The following B3GNT9 variants were observed in gnomAD, a reference collection of about 807,000 sequenced individuals.
B3GNT9 encodes BGnT-9.
For synonymous variants in B3GNT9, 359 were observed against 283.9 expected, an observed-to-expected ratio of 1.26 and a Z score of -2.66; for missense variants, 669 against 599.2, an observed-to-expected ratio of 1.12 and a Z score of -1.22.
In B3GNT9 at chr16:67,149,422, G is replaced by A; in HGVS notation, c.1064C>T (p.Pro355Leu). The change falls in exon 2 of 2, where the codon CCC becomes CTC. Residue 355 changes from proline (P) to leucine (L), a missense_variant. Coordinates refer to ENST00000449549, the MANE Select transcript of B3GNT9 (RefSeq NM_033309.3). ...SAAPHLSTFDPCFYRELVVVH... is the reference protein window; with the variant it reads ...SAAPHLSTFDLCFYRELVVVH... Reference sequence around the variant, plus strand: ...TACAACCAGCTCACGGTAAAAGCAGGGGTCGAAGGTGCTCAAATGCGGCGC... The same window carrying A: ...TACAACCAGCTCACGGTAAAAGCAGAGGTCGAAGGTGCTCAAATGCGGCGC... 1 of 1,604,852 alleles carries A rather than the reference G, an allele frequency of 6.2e-7. No individual in the cohort carries two copies. Among genetic ancestry groups the A allele is most frequent in the Non-Finnish European group, 8.5e-7 (1 of 1,175,692 alleles).
chr16:67,150,464 G>T lies in B3GNT9; in HGVS notation c.22C>A (p.Arg8Ser), dbSNP rs775502891. The T allele has an allele frequency of 7.5e-7, 1 of 1,330,314 alleles. No individual in the cohort carries two copies. The highest frequency in any genetic ancestry group is 4.0e-5 in the Admixed American group (1 of 25,294). 82.4% of individuals were successfully genotyped at this position (1,330,314 alleles called of 1,614,324 possible). A position where few individuals can be genotyped will look rare whatever the true frequency, so the allele number is the denominator to read the frequency against. Residue 8 changes from arginine to serine, a missense_variant, in exon 2 of 2, where the codon CGC becomes AGC. By Grantham distance (110) the Arg-to-Ser change is moderately radical. Transcript: ENST00000449549. ...AGCAGCGTGAGCAATGCGTCCCTGC[G>T]TAGGCGCAGCCTCCTCCTCATCTCC... MRRRLRL[R>S]RDALLTLLLG...
Position 67,150,501 on chromosome 16 carries a change from G to A in B3GNT9, c.-16C>T, listed in dbSNP as rs2030439288. ...TCCTCCTCATCTCCGCGCGGCCTGC[G>A]CCCTCCCTCCCCTGTAAGGGTCGCA... On this transcript the variant is annotated 5_prime_UTR_variant, in exon 2 of 2. Coordinates refer to ENST00000449549, the MANE Select transcript of B3GNT9 (RefSeq NM_033309.3). 1.5e-6 allele frequency: 2 copies of A among 1,293,504 alleles called. No homozygotes were observed. Among genetic ancestry groups the A allele is most frequent in the Non-Finnish European group, 9.8e-7 (1 of 1,022,370 alleles). The allele number at this position is 1,293,504 out of a possible 1,614,324, so 80.1% of individuals were successfully genotyped here. A position where few individuals can be genotyped will look rare whatever the true frequency, so the allele number is the denominator to read the frequency against.
intron 1 of B3GNT9, 76 bp from the exon 2 acceptor site, chr16:67,150,747 G>A (rs937357417): frequency 8.5e-6 from 3 of 352,244 alleles, no homozygotes; most frequent in South Asian, 1.5e-4. Context: ...GCGACCCAGG[G>A]CCGGGCAGGG....
At position 67,150,345 on chromosome 16, in the gene B3GNT9, C is replaced by T. The variant is rs756396579; in HGVS notation, c.141G>A (p.Pro47=). The stretch of plus-strand genomic sequence containing the variant: ...ACGCGCGGGGTCCGGGGGTGGGCCT[C>T]GGTGCCGCCCTCCCTCGCCCTCGCG... ...SAPRGRGRAA[P]RPTPGPRAFQ... Residue 47 remains proline (P), a synonymous_variant, in exon 2 of 2, where the codon CCG becomes CCA. Coordinates refer to ENST00000449549, the MANE Select transcript of B3GNT9 (RefSeq NM_033309.3). 1 of 1,365,876 alleles carries T rather than the reference C, an allele frequency of 7.3e-7. No homozygotes were observed. Among genetic ancestry groups the T allele is most frequent in the Non-Finnish European group, 9.4e-7 (1 of 1,059,638 alleles). 84.6% of individuals were successfully genotyped at this position (1,365,876 alleles called of 1,614,324 possible). A position where few individuals can be genotyped will look rare whatever the true frequency, so the allele number is the denominator to read the frequency against.
chr16:67,150,810 A>C, intron 1 of B3GNT9, 55 bp downstream of exon 1: 1 of 253,732 alleles, frequency 3.9e-6, no homozygotes, highest in Non-Finnish European at 7.5e-6. Flanking sequence ...CTGAGGCCGA[A>C]TCCCTTCCAC....
rs1435278954 is a variant in B3GNT9 at position 67,150,900 on chromosome 16, C to T, written c.-222G>A. On this transcript the variant is annotated 5_prime_UTR_variant, in exon 1 of 2. Transcript: ENST00000449549. ...CGGAAGTGGCGCAGCCCCGGACGCC[C>T]TGGCCTCCGGGGCTCAGCGCAGGGT... The T allele has an allele frequency of 1.3e-5, 2 of 158,566 alleles. No individual in the cohort carries two copies. Among genetic ancestry groups the T allele is most frequent in the Non-Finnish European group, 2.8e-5 (2 of 72,604 alleles). 9.8% of individuals were successfully genotyped at this position (158,566 alleles called of 1,614,324 possible). A position where few individuals can be genotyped will look rare whatever the true frequency, so the allele number is the denominator to read the frequency against.
rs558599921 is a variant in B3GNT9, at chr16:67,149,712, A to G, written c.774T>C (p.Ile258=). 20 of 1,613,370 alleles carry G rather than the reference A, an allele frequency of 1.2e-5. No individual in the cohort carries two copies. The highest frequency in any genetic ancestry group is 1.5e-5 in the Non-Finnish European group (18 of 1,179,768). ...GCGTGCGGATGGGCCGCGCATGCAC[A>G]ATTACGTCACCAGCAAGCAGGTCTT... ...PAQDLLAGDV[I]VHARPIRTRA... is the part of the protein sequence containing the mutation. Residue 258 remains isoleucine (I), a synonymous_variant, in exon 2 of 2, where the codon ATT becomes ATC. Coordinates refer to ENST00000449549, the MANE Select transcript of B3GNT9 (RefSeq NM_033309.3).
At chr16:67,150,773 G>A in intron 1 of B3GNT9, 92 bp downstream of exon 1, 1 of 314,320 alleles carries the variant, frequency 3.2e-6, no homozygotes, top group Non-Finnish European at 5.8e-6. Flanking sequence ...GGGAGCCTCG[G>A]CCCCTCCCCC....
At position 67,149,136 on chromosome 16, in the gene B3GNT9, G is replaced by A; in HGVS notation, c.*141C>T. On this transcript the variant is annotated 3_prime_UTR_variant, in exon 2 of 2. Coordinates refer to ENST00000449549, the MANE Select transcript of B3GNT9 (RefSeq NM_033309.3). ...TGGTTCCAGCAGGGTGGACCGCCAG[G>A]AGCCAAGCTTAACCCCCATCCCCTG... The A allele has an allele frequency of 1.4e-6, 2 of 1,413,770 alleles. No individual in the cohort carries two copies. The highest frequency in any genetic ancestry group is 1.8e-6 in the Non-Finnish European group (2 of 1,082,598). 87.6% of individuals were successfully genotyped at this position (1,413,770 alleles called of 1,614,324 possible).
chr16:67,150,351 C>T lies in B3GNT9; in HGVS notation c.135G>A (p.Ala45=), dbSNP rs367770902. ...GGGGTCCGGGGGTGGGCCTCGGTGC[C>T]GCCCTCCCTCGCCCTCGCGGCGCGC... is the stretch of plus-strand genomic sequence containing the variant. ...TASAPRGRGR[A]APRPTPGPRA... is the part of the protein sequence containing the mutation. The change falls in exon 2 of 2, where the codon GCG becomes GCA. Residue 45 remains alanine, a synonymous_variant. Coordinates refer to ENST00000449549, the MANE Select transcript of B3GNT9 (RefSeq NM_033309.3). 2 of 1,351,030 alleles carry T rather than the reference C, an allele frequency of 1.5e-6. No individual in the cohort carries two copies. The highest frequency in any genetic ancestry group is 3.1e-5 in the African/African-American group (2 of 65,348). 83.7% of individuals were successfully genotyped at this position (1,351,030 alleles called of 1,614,324 possible).
rs1327473080 is a variant in B3GNT9, at chr16:67,150,188, T to C, written c.298A>G (p.Ile100Val). The C allele has an allele frequency of 7.7e-6, 12 of 1,559,866 alleles. No individual in the cohort carries two copies. Among genetic ancestry groups the C allele is most frequent in the African/African-American group, 1.4e-5 (1 of 70,340 alleles). Residue 100 changes from isoleucine to valine, a missense_variant, in exon 2 of 2, where the codon ATT (isoleucine) becomes GTT (valine). By Grantham distance (29) the Ile-to-Val change is conservative. Coordinates refer to ENST00000449549, the MANE Select transcript of B3GNT9 (RefSeq NM_033309.3). ...CCGCGGCACTTGTGCGGCTGGTTAA[T>C]GAGCAGTGGAAACCGCCGCTGGTCC... ...AKDQRRFPLL[I>V]NQPHKCRGDG...
Position 67,150,285 on chromosome 16 carries a change from G to C in B3GNT9, c.201C>G (p.Ala67=). The C allele has an allele frequency of 6.9e-7, 1 of 1,439,022 alleles. No individual in the cohort carries two copies. The highest frequency in any genetic ancestry group is 9.2e-7 in the Non-Finnish European group (1 of 1,091,320). The allele number at this position is 1,439,022 out of a possible 1,614,324, so 89.1% of individuals were successfully genotyped here. ...QLPDAGAAPP[A]YEGDTPAPPT... ...GCGGCGCCGGTGTGTCCCCTTCGTA[G>C]GCCGGCGGGGCTGCACCCGCGTCGG... Residue 67 remains alanine, a synonymous_variant, in exon 2 of 2, where the codon GCC becomes GCG. Transcript: ENST00000449549.
rs934901279 is a variant in B3GNT9 at position 67,148,846 on chromosome 16, A to G, written c.*431T>C. The G allele has an allele frequency of 1.9e-5, 3 of 161,246 alleles. No individual in the cohort carries two copies. Among genetic ancestry groups the G allele is most frequent in the Non-Finnish European group, 2.7e-5 (2 of 74,652 alleles). 10.0% of individuals were successfully genotyped at this position (161,246 alleles called of 1,614,324 possible). On this transcript the variant is annotated 3_prime_UTR_variant, in exon 2 of 2. Transcript: ENST00000449549. ...GGCAAAGTGCCTGCCAGGTTCATGA[A>G]TTCAGGCTGTGGCGGCCGGAGCCCC...
At position 67,150,523 on chromosome 16, in the gene B3GNT9, C is replaced by A; in HGVS notation, c.-38G>T. ...TGCGCCCTCCCTCCCCTGTAAGGGT[C>A]GCAGTCGGCAGCAGGGGGCAGCGAG... On this transcript the variant is annotated 5_prime_UTR_variant, in exon 2 of 2. Transcript: ENST00000449549. 1.6e-6 allele frequency: 2 copies of A among 1,259,952 alleles called. No individual in the cohort carries two copies. The highest frequency in any genetic ancestry group is 6.2e-5 in the South Asian group (2 of 32,196). The allele number at this position is 1,259,952 out of a possible 1,614,324, so 78.0% of individuals were successfully genotyped here. A position where few individuals can be genotyped will look rare whatever the true frequency, so the allele number is the denominator to read the frequency against.
chr16:67,149,953 C>G lies in B3GNT9; in HGVS notation c.533G>C (p.Trp178Ser). 1 of 1,568,342 alleles carries G rather than the reference C, an allele frequency of 6.4e-7. No homozygotes were observed. The highest frequency in any genetic ancestry group is 1.7e-4 in the Middle Eastern group (1 of 6,006). The stretch of plus-strand genomic sequence containing the variant: ...GCTCTCGGCCCGCAGCAGGGCGCGC[C>G]AGTGGGTTCGCGCGCCCTCCCCAAC... ...DEVGEGARTH[W>S]RALLRAESLA... Residue 178 changes from tryptophan (W) to serine (S), a missense_variant, in exon 2 of 2, where the codon TGG (tryptophan) becomes TCG (serine). By Grantham distance (177) the Trp-to-Ser change is radical (BLOSUM62 -3). Coordinates refer to ENST00000449549, the MANE Select transcript of B3GNT9 (RefSeq NM_033309.3).
chr16:67,149,469 A>G lies in B3GNT9; in HGVS notation c.1017T>C (p.Phe339=). ...TPEPHPAFRT[F]GIPQPSAAPH... is the part of the protein sequence containing the mutation. ...GCGCGGCTGAAGGCTGGGGGATGCCAAAGGTGCGGAAGGCAGGGTGAGGCT... is the reference window on the plus strand; with the variant it reads ...GCGCGGCTGAAGGCTGGGGGATGCCGAAGGTGCGGAAGGCAGGGTGAGGCT... The change falls in exon 2 of 2, where the codon TTT becomes TTC. Residue 339 remains phenylalanine (F), a synonymous_variant. Transcript: ENST00000449549. The G allele has an allele frequency of 6.2e-7, 1 of 1,608,656 alleles. No homozygotes were observed. The highest frequency in any genetic ancestry group is 1.1e-5 in the South Asian group (1 of 90,042).
chr16:67,150,208 TG>T lies in B3GNT9; in HGVS notation c.277del (p.Gln93SerfsTer112). The T allele has an allele frequency of 6.4e-7, 1 of 1,555,566 alleles. No individual in the cohort carries two copies. The highest frequency in any genetic ancestry group is 1.2e-5 in the South Asian group (1 of 84,886). On this transcript the variant is annotated frameshift_variant, in exon 2 of 2. Coordinates refer to ENST00000449549, the MANE Select transcript of B3GNT9 (RefSeq NM_033309.3). LOFTEE classifies it low-confidence loss of function (END_TRUNC). ...GTTAATGAGCAGTGGAAACCGCCGC[TG>T]GTCCTTGGCGCGCAAATAGCGGGCG... Reference protein sequence around the residue: ...DFARYLRAKDQRRFPLLINQP... With the variant: ...DFARYLRAKDXRRFPLLINQP...
chr16:67,149,040 T>C lies in B3GNT9; in HGVS notation c.*237A>G. 1 of 749,648 alleles carries C rather than the reference T, an allele frequency of 1.3e-6. No homozygotes were observed. The highest frequency in any genetic ancestry group is 3.8e-5 in the Admixed American group (1 of 26,168). 46.4% of individuals were successfully genotyped at this position (749,648 alleles called of 1,614,324 possible). On this transcript the variant is annotated 3_prime_UTR_variant, in exon 2 of 2. Coordinates refer to ENST00000449549, the MANE Select transcript of B3GNT9 (RefSeq NM_033309.3). ...GACATATCCACTGCTCTGGGACCTG[T>C]TGGACAAGAGATGGTCATCTACCAC...
chr16:67,149,549 G>A lies in B3GNT9; in HGVS notation c.937C>T (p.Pro313Ser), dbSNP rs1163709736. 1.9e-6 allele frequency: 3 copies of A among 1,608,380 alleles called. No homozygotes were observed. The highest frequency in any genetic ancestry group is 3.4e-5 in the Admixed American group (2 of 59,310). ...ATGCCCAGAAAGACGTCGTCGATGG[G>A]GAAGAGCTCGACCTGCGCACAGGCG... ...AGACAQVELF[P>S]IDDVFLGMCL... is the part of the protein sequence containing the mutation. Residue 313 changes from proline to serine, a missense_variant, in exon 2 of 2, where the codon CCC becomes TCC. Transcript: ENST00000449549.
Sources: gnomAD v4.1 joint callset for allele counts on GRCh38, gnomAD v4.1.1 for gene constraint, MANE v1.5 for transcripts, NCBI Gene and HGNC (gene_info 2026-07-23, HGNC 2026-07-21) for gene names.